NEO1: variants seen among roughly 807,000 people sequenced by gnomAD.
NEO1 encodes neogenin 1.
In NEO1, 63 loss-of-function variants were observed where a neutral mutation model predicts 159.7. The observed-to-expected ratio is 0.39, with a 90% CI of 0.32 to 0.49. NEO1 has a LOEUF of 0.49. NEO1 is among the 20% of genes least tolerant of loss of function. NEO1 has a pLI of 0.85. For missense variants in NEO1, 1,615 were observed against 1,831.0 expected, an observed-to-expected ratio of 0.88 and a Z score of 2.15; for synonymous variants, 633 against 662.0, an observed-to-expected ratio of 0.96 and a Z score of 0.67.
intron 14 of NEO1, among the ~76,000 whole-genome samples, chr15:73,260,067 C>CTTTT (rs11327718): frequency 2.9e-5 from 4 of 136,364 alleles, no homozygotes; most frequent in Non-Finnish European, 4.8e-5. Context: ...CTGTTCAGGT[C>CTTTT]TTTTTTTTTT....
chr15:73,233,271 A>G (rs1019806388), intron 7 of NEO1, among the ~76,000 whole-genome samples: 1 of 152,226 alleles, frequency 6.6e-6, no homozygotes, highest in Non-Finnish European at 1.5e-5. Context: ...TCCCATGGTT[A>G]ATTAGGAATG....
rs765087930 is a variant in NEO1, at chr15:73,249,168, A to G, written c.1715A>G (p.Tyr572Cys). ...TCTGGCAATGGGGAAATTCAGAATT[A>G]TAAATTGTACTACATGGAAAAGGGG... ...PVSGNGEIQN[Y>C]KLYYMEKGTD... The change falls in exon 10 of 29, where the codon TAT (tyrosine) becomes TGT (cysteine). Residue 572 changes from tyrosine to cysteine, a missense_variant. Tyr to Cys is a radical substitution (Grantham distance 194). Transcript: ENST00000261908. 1.2e-6 allele frequency: 2 copies of G among 1,614,100 alleles called. No individual in the cohort carries two copies. The highest frequency in any genetic ancestry group is 1.7e-6 in the Non-Finnish European group (2 of 1,179,952).
intron 1 of NEO1, among the ~76,000 whole-genome samples, chr15:73,105,569 GC>G (rs2070646663): frequency 1.3e-5 from 2 of 152,040 alleles, no homozygotes; most frequent in Non-Finnish European, 2.9e-5. Context: ...GTTTTTTGTT[GC>G]CCAGGATCCA....
rs1306550657 is a variant in NEO1, at chr15:73,295,145, T to TATATATATATATATATAA, written c.3901+1598_3901+1599insTATATATATATATATAAA. On this transcript the variant is annotated intron_variant, in intron 26 of 28. Coordinates refer to ENST00000261908, the MANE Select transcript of NEO1 (RefSeq NM_002499.4). ...TATTAAATATATATATATATATATG[T>TATATATATATATATATAA]AAAAATTTGGCCTTTCTACTATCTC... 5.9e-5 allele frequency among the ~76,000 whole-genome samples: 8 copies of TATATATATATATATATAA among 134,932 alleles called. 1 individual carries two copies. The highest frequency in any genetic ancestry group is 1.1e-4 in the Non-Finnish European group (7 of 61,322). The allele number at this position is 134,932 out of a possible 152,430, so 88.5% of individuals were successfully genotyped here.
intron 2 of NEO1, 65 bp from the exon 3 acceptor site, chr15:73,122,460 C>T (rs1183144303): frequency 6.7e-7 from 1 of 1,499,216 alleles, no homozygotes; most frequent in Admixed American, 2.0e-5. Context: ...GCTCCTGGCT[C>T]CCAAGACAAA....
chr15:73,184,233 G>C (rs1295195734), intron 7 of NEO1, among the ~76,000 whole-genome samples: 1 of 152,084 alleles, frequency 6.6e-6, no homozygotes, highest in Non-Finnish European at 1.5e-5. Flanking sequence ...TCAGCTCACT[G>C]CAGCCTCCGC....
chr15:73,198,169 A>T (rs1353243401), intron 7 of NEO1, among the ~76,000 whole-genome samples: 1 of 150,210 alleles, frequency 6.7e-6, no homozygotes, highest in South Asian at 2.1e-4. Context: ...GTATTTAGCC[A>T]TTTTTTTTTC....
chr15:73,064,377 T>C (rs1288726354), intron 1 of NEO1, among the ~76,000 whole-genome samples: 2 of 152,220 alleles, frequency 1.3e-5, no homozygotes, highest in Non-Finnish European at 2.9e-5. Flanking sequence ...ATATTCTCTC[T>C]CTCTTTGTCT....
chr15:73,128,301 A>T (rs74811850), intron 4 of NEO1, among the ~76,000 whole-genome samples: 2,008 of 152,174 alleles, frequency 0.013, 17 homozygotes, highest in South Asian at 0.017. Flanking sequence ...AAAAATGTGA[A>T]GTTCTTACAG....
intron 1 of NEO1, among the ~76,000 whole-genome samples, chr15:73,094,670 T>C (rs1188612376): frequency 6.6e-6 from 1 of 152,244 alleles, no homozygotes; most frequent in Non-Finnish European, 1.5e-5. Flanking sequence ...TCTTTGTCAT[T>C]TGTCCAGAAG....
At chr15:73,171,584 C>T (rs1475685860) in intron 5 of NEO1, among the ~76,000 whole-genome samples, 1 of 150,520 alleles carries the variant, frequency 6.6e-6, no homozygotes, top group Non-Finnish European at 1.5e-5. Flanking sequence ...ATGTGAATAC[C>T]GACTGGGTAA....
At chr15:73,149,565 T>C (rs1480080230) in intron 5 of NEO1, among the ~76,000 whole-genome samples, 1 of 152,136 alleles carries the variant, frequency 6.6e-6, no homozygotes, top group East Asian at 1.9e-4. Context: ...TTGAGACTTA[T>C]TCTTGTCCAG....
chr15:73,283,482 G>A (rs2041813909), intron 23 of NEO1, among the ~76,000 whole-genome samples: 1 of 152,202 alleles, frequency 6.6e-6, no homozygotes, highest in African/African-American at 2.4e-5. Flanking sequence ...CCTGACAAAA[G>A]CAAAGTGGGT....
At chr15:73,132,812 C>T (rs778324593) in intron 4 of NEO1, among the ~76,000 whole-genome samples, 3 of 152,058 alleles carry the variant, frequency 2.0e-5, no homozygotes, top group Non-Finnish European at 4.4e-5. Context: ...GAGGGAAATG[C>T]AAATCAAAAC....
At chr15:73,053,169 T>G (rs1467638339) in intron 1 of NEO1, among the ~76,000 whole-genome samples, 1 of 152,008 alleles carries the variant, frequency 6.6e-6, no homozygotes, top group African/African-American at 2.4e-5. Context: ...CACACCTCAT[T>G]AAATAAACAA....
At chr15:73,181,988 TA>T (rs2035639246) in intron 7 of NEO1, among the ~76,000 whole-genome samples, 1 of 128,872 alleles carries the variant, frequency 7.8e-6, no homozygotes, top group Non-Finnish European at 1.7e-5. Flanking sequence ...AAAAGAGATT[TA>T]ATGGGACTTG....
intron 5 of NEO1, among the ~76,000 whole-genome samples, chr15:73,149,446 T>C (rs1189150252): frequency 6.6e-6 from 1 of 152,114 alleles, no homozygotes; most frequent in Non-Finnish European, 1.5e-5. Flanking sequence ...TACAATGACA[T>C]ATAGGGCACA....
intron 1 of NEO1, among the ~76,000 whole-genome samples, chr15:73,109,349 C>T (rs2070849550): frequency 6.6e-6 from 1 of 152,028 alleles, no homozygotes; most frequent in Non-Finnish European, 1.5e-5. Flanking sequence ...CATAATTTTT[C>T]CTGTTTGATG....
At chr15:73,059,046 G>A (rs762393810) in intron 1 of NEO1, among the ~76,000 whole-genome samples, 1 of 152,100 alleles carries the variant, frequency 6.6e-6, no homozygotes, top group Non-Finnish European at 1.5e-5. Context: ...TTTTATATGT[G>A]TAAAAATAGC....
Sources: gnomAD v4.1 joint callset for allele counts (sites outside exome capture counted in the v4.1 genomes callset) on GRCh38, gnomAD v4.1.1 for gene constraint, MANE v1.5 for transcripts, NCBI Gene and HGNC (gene_info 2026-07-23, HGNC 2026-07-21) for gene names.